OSBPL6: variants seen among roughly 807,000 people sequenced by gnomAD.
OSBPL6 encodes oxysterol-binding protein-related protein 6.
OSBPL6 carries 49 observed loss-of-function variants against 125.8 expected under a neutral mutation model. The ratio of observed to expected loss-of-function variants is 0.39; its 90% confidence interval spans 0.31 to 0.49. The LOEUF (loss-of-function observed/expected upper bound fraction) is 0.49, where lower values mean the gene tolerates loss of function less well. Among genes scored for constraint, OSBPL6 ranks in the 20% least tolerant of loss-of-function variants. The pLI is 0.88. For synonymous variants in OSBPL6, 394 were observed against 391.8 expected (o/e 1.01, Z -0.07); for missense variants, 986 against 1,135.4 (o/e 0.87, Z 1.89).
chr2:178,285,155 G>T (rs2154032977), intron 2 of OSBPL6, 34 bp downstream of exon 2: 1 of 398,088 alleles, frequency 2.5e-6, no homozygotes, highest in East Asian at 3.6e-5. Context: ...AAAACCAAAA[G>T]CAGGGTTAGG....
chr2:178,385,858 G>A (rs76786892), intron 19 of OSBPL6, among the ~76,000 whole-genome samples: 3 of 152,014 alleles, frequency 2.0e-5, no homozygotes, highest in African/African-American at 7.3e-5. Context: ...TTGGTTCTTC[G>A]GGGTGTGCAA....
At position 178,344,416 on chromosome 2, in the gene OSBPL6, A is replaced by C. The variant is rs754808135; in HGVS notation, c.987+4652A>C. 3 of 1,548,376 alleles carry C rather than the reference A, an allele frequency of 1.9e-6. No homozygotes were observed. In the South Asian group the frequency reaches 3.4e-5, roughly 17 times the overall value. Reference sequence around the variant, plus strand: ...TAATAAGAATGAGAACCTGTGTACAAGGATGACTCCCCTGTCCTGATGGTG... The same window carrying C: ...TAATAAGAATGAGAACCTGTGTACACGGATGACTCCCCTGTCCTGATGGTG... On this transcript the variant is annotated intron_variant, in intron 11 of 24. Coordinates refer to ENST00000190611, the MANE Select transcript of OSBPL6 (RefSeq NM_032523.4).
At chr2:178,350,388 G>A (rs1255274487) in intron 12 of OSBPL6, among the ~76,000 whole-genome samples, 2 of 152,080 alleles carry the variant, frequency 1.3e-5, no homozygotes, top group Non-Finnish European at 2.9e-5. Flanking sequence ...GATAAACATT[G>A]TATTGCTTTT....
chr2:178,352,363 A>G (rs1216094537), intron 12 of OSBPL6, among the ~76,000 whole-genome samples: 2 of 152,210 alleles, frequency 1.3e-5, no homozygotes, highest in Non-Finnish European at 2.9e-5. Flanking sequence ...CTGTACCTGG[A>G]AAAACGGGAC....
At chr2:178,292,958 TA>T (rs1304581609) in intron 2 of OSBPL6, among the ~76,000 whole-genome samples, 1 of 151,948 alleles carries the variant, frequency 6.6e-6, no homozygotes, top group African/African-American at 2.4e-5. Flanking sequence ...AGAGTTTATT[TA>T]AACAATAACT....
At chr2:178,198,399 C>T (rs374832269) in intron 1 of OSBPL6, among the ~76,000 whole-genome samples, 206 of 151,782 alleles carry the variant, frequency 1.4e-3, no homozygotes, top group African/African-American at 4.5e-3. Flanking sequence ...TGGGTTCAAG[C>T]GATTCTTCTG....
intron 4 of OSBPL6, among the ~76,000 whole-genome samples, chr2:178,326,895 T>A (rs569074752): frequency 6.6e-6 from 1 of 152,266 alleles, no homozygotes; most frequent in African/African-American, 2.4e-5. Context: ...CTTTCTATCT[T>A]ATCTCTTTTT....
rs1472551213 is a variant in OSBPL6 at position 178,398,369 on chromosome 2, A to T, written c.*2810A>T. 8.5e-5 allele frequency: 13 copies of T among 152,126 alleles called. No individual in the cohort carries two copies. Among genetic ancestry groups the T allele is most frequent in the Non-Finnish European group, 1.9e-4 (13 of 68,034 alleles). The allele number at this position is 152,126 out of a possible 1,614,324, so 9.4% of individuals were successfully genotyped here. On this transcript the variant is annotated 3_prime_UTR_variant, in exon 25 of 25. Coordinates refer to ENST00000190611, the MANE Select transcript of OSBPL6 (RefSeq NM_032523.4). The stretch of plus-strand genomic sequence containing the variant: ...GTTTATTCATAAGCTGCTTCATCTC[A>T]TTGGAGATGGTCATTGAGGAGAGCA...
chr2:178,374,729 A>G (rs1693709326), intron 15 of OSBPL6, among the ~76,000 whole-genome samples: 1 of 152,204 alleles, frequency 6.6e-6, no homozygotes, highest in Non-Finnish European at 1.5e-5. Flanking sequence ...TCTATACTGC[A>G]TTTTTACAAA....
At chr2:178,279,158 T>C (rs2092528041) in intron 1 of OSBPL6, among the ~76,000 whole-genome samples, 1 of 152,248 alleles carries the variant, frequency 6.6e-6, no homozygotes, top group Non-Finnish European at 1.5e-5. Flanking sequence ...TTGCTTAATC[T>C]TGTCTCCATT....
At chr2:178,208,957 C>T (rs2089697957) in intron 1 of OSBPL6, among the ~76,000 whole-genome samples, 2 of 152,184 alleles carry the variant, frequency 1.3e-5, no homozygotes, top group South Asian at 4.2e-4. Flanking sequence ...GAATAATTTT[C>T]CTTTAGAATA....
intron 1 of OSBPL6, among the ~76,000 whole-genome samples, chr2:178,229,740 G>A (rs1218092497): frequency 6.6e-6 from 1 of 152,198 alleles, no homozygotes; most frequent in Non-Finnish European, 1.5e-5. Flanking sequence ...TACAGTGGGA[G>A]AATTGTTTGA....
chr2:178,379,285 A>AAAAGAAAG (rs1553574866), intron 15 of OSBPL6, among the ~76,000 whole-genome samples: 3 of 141,808 alleles, frequency 2.1e-5, no homozygotes, highest in Non-Finnish European at 4.6e-5. Flanking sequence ...GAAAGAAAGA[A>AAAAGAAAG]AAGAAAGAAA....
intron 2 of OSBPL6, among the ~76,000 whole-genome samples, chr2:178,285,341 T>A (rs1163720882): frequency 6.6e-6 from 1 of 152,152 alleles, no homozygotes; most frequent in Non-Finnish European, 1.5e-5. Flanking sequence ...AAATATTTGG[T>A]AACCATTTTC....
At chr2:178,371,731 T>C (rs1331812087) in intron 13 of OSBPL6, among the ~76,000 whole-genome samples, 3 of 152,148 alleles carry the variant, frequency 2.0e-5, no homozygotes, top group African/African-American at 7.2e-5. Context: ...TCCCAAACTT[T>C]AGAAACTAGA....
chr2:178,385,279 G>A (rs763899066), intron 18 of OSBPL6, among the ~76,000 whole-genome samples, 179 bp from the exon 19 acceptor site: 2 of 151,962 alleles, frequency 1.3e-5, no homozygotes, highest in African/African-American at 4.8e-5. Context: ...AAGGAAGGAC[G>A]AATTCACTTC....
intron 8 of OSBPL6, among the ~76,000 whole-genome samples, chr2:178,334,330 T>G (rs1689486715): frequency 6.6e-6 from 1 of 152,184 alleles, no homozygotes; most frequent in Non-Finnish European, 1.5e-5. Flanking sequence ...TACACAGGAA[T>G]GTATGTCATA....
chr2:178,358,998 C>G (rs899016797), intron 12 of OSBPL6, among the ~76,000 whole-genome samples: 5 of 151,866 alleles, frequency 3.3e-5, no homozygotes, highest in African/African-American at 4.8e-5. Context: ...AGTGAGACTC[C>G]ATCTCCACAA....
intron 1 of OSBPL6, among the ~76,000 whole-genome samples, chr2:178,212,479 G>A (rs180715627): frequency 4.7e-4 from 72 of 152,312 alleles, no homozygotes; most frequent in Non-Finnish European, 2.9e-5. Flanking sequence ...TCTGAGGTGA[G>A]CCTTACAATT....
Sources: gnomAD v4.1 joint callset for allele counts (sites outside exome capture counted in the v4.1 genomes callset) on GRCh38, gnomAD v4.1.1 for gene constraint, MANE v1.5 for transcripts, NCBI Gene and HGNC (gene_info 2026-07-23, HGNC 2026-07-21) for gene names.